ZDBF2: variants seen among roughly 807,000 people sequenced by gnomAD.
The protein encoded by ZDBF2 is zinc finger DBF-type containing 2.
In ZDBF2, 6 loss-of-function variants were observed where a neutral mutation model predicts 9.4. The observed-to-expected ratio is 0.64, with a 90% CI of 0.35 to 1.27. ZDBF2 has a LOEUF of 1.27. Ranked by LOEUF, ZDBF2 falls within the 50% of genes most tolerant of loss-of-function variation. The pLI is 0.03. For synonymous variants in ZDBF2, 905 were observed against 946.3 expected, an observed-to-expected ratio of 0.96 and a Z score of 0.80; for missense variants, 2,697 against 2,766.8, an observed-to-expected ratio of 0.97 and a Z score of 0.57.
Position 206,305,889 on chromosome 2 carries a change from G to T in ZDBF2, c.1361G>T (p.Cys454Phe), listed in dbSNP as rs530413642. ...KSYVSKISSD[C>F]DDILHLVTNQ... is the part of the protein sequence containing the mutation. The stretch of plus-strand genomic sequence containing the variant: ...TATGTTTCTAAAATAAGTTCTGATT[G>T]TGATGACATTCTTCACTTGGTTACC... The change falls in exon 5 of 5, where the codon TGT becomes TTT. Residue 454 changes from cysteine to phenylalanine, a missense_variant. Physicochemically the swap from Cys to Phe is radical, Grantham distance 205. Around this residue, in one of 3 missense-constraint regions of ZDBF2, gnomAD observed 910 missense variants for 973.6 expected, o/e 0.93. Coordinates refer to ENST00000374423, the MANE Select transcript of ZDBF2 (RefSeq NM_020923.3). 5.6e-6 allele frequency: 9 copies of T among 1,613,172 alleles called. No homozygotes were observed. Among genetic ancestry groups the T allele is most frequent in the Non-Finnish European group, 7.6e-6 (9 of 1,179,618 alleles).
In ZDBF2 at chr2:206,280,812, T is replaced by G. The variant is rs143857814; in HGVS notation, c.-49-989T>G. 2.7e-3 allele frequency among the ~76,000 whole-genome samples: 408 copies of G among 152,336 alleles called. 2 individuals are homozygous for G. Among genetic ancestry groups the G allele is most frequent in the African/African-American group, 9.5e-3 (395 of 41,582 alleles). Reference sequence around the variant, plus strand: ...CAGTTATTGATTTTAATGATTAAATTTTTTCCATTGCAGAAATTCTCATAA... The same window carrying G: ...CAGTTATTGATTTTAATGATTAAATGTTTTCCATTGCAGAAATTCTCATAA... On this transcript the variant is annotated intron_variant, in intron 2 of 4. Coordinates refer to ENST00000374423, the MANE Select transcript of ZDBF2 (RefSeq NM_020923.3).
chr2:206,277,892 C>G (rs1213581924), intron 1 of ZDBF2, among the ~76,000 whole-genome samples: 1 of 152,146 alleles, frequency 6.6e-6, no homozygotes, highest in Non-Finnish European at 1.5e-5. Context: ...AAGAAGTTAA[C>G]CCACCAACTA....
chr2:206,299,558 G>T (rs1383974174), intron 4 of ZDBF2, among the ~76,000 whole-genome samples: 1 of 152,044 alleles, frequency 6.6e-6, no homozygotes. Context: ...CGTAGTCCCA[G>T]CTACTCGGGA....
intron 3 of ZDBF2, among the ~76,000 whole-genome samples, chr2:206,290,207 C>T (rs1196086790): frequency 1.3e-5 from 2 of 152,160 alleles, no homozygotes; most frequent in Non-Finnish European, 2.9e-5. Context: ...TTTTATTTAT[C>T]TATATATCTT....
Position 206,307,480 on chromosome 2 carries a change from G to T in ZDBF2, c.2952G>T (p.Lys984Asn). 2 of 1,613,032 alleles carry T rather than the reference G, an allele frequency of 1.2e-6. No individual in the cohort carries two copies. The highest frequency in any genetic ancestry group is 1.7e-6 in the Non-Finnish European group (2 of 1,179,520). The change falls in exon 5 of 5, where the codon AAG becomes AAT. Residue 984 changes from lysine to asparagine, a missense_variant. Coordinates refer to ENST00000374423, the MANE Select transcript of ZDBF2 (RefSeq NM_020923.3). ...AAGAAACATGGCTTCAAAGAGAAAA[G>T]CACGCTGAATTCCAAGGTAGAAGTA... ...IVKETWLQRE[K>N]HAEFQGRSTE...
chr2:206,280,517 A>G (rs1273473543), intron 2 of ZDBF2, among the ~76,000 whole-genome samples: 1 of 152,218 alleles, frequency 6.6e-6, no homozygotes, highest in Non-Finnish European at 1.5e-5. Flanking sequence ...AGTACAATTT[A>G]AAATAAAAGT....
intron 4 of ZDBF2, among the ~76,000 whole-genome samples, chr2:206,300,496 C>T (rs767071741): frequency 1.1e-4 from 16 of 152,068 alleles, no homozygotes; most frequent in Non-Finnish European, 1.6e-4. Flanking sequence ...GCATTTTGGG[C>T]GTGAATATCT....
At chr2:206,294,186 A>G (rs898995875) in intron 3 of ZDBF2, among the ~76,000 whole-genome samples, 1 of 152,204 alleles carries the variant, frequency 6.6e-6, no homozygotes, top group Non-Finnish European at 1.5e-5. Flanking sequence ...TTTCAAAACT[A>G]TAGTATTAAA....
At chr2:206,297,019 A>G (rs758125288) in intron 3 of ZDBF2, among the ~76,000 whole-genome samples, 13 of 152,118 alleles carry the variant, frequency 8.5e-5, no homozygotes, top group Non-Finnish European at 1.8e-4. Flanking sequence ...TTTTGCATGA[A>G]TCATTTACCT....
intron 3 of ZDBF2, among the ~76,000 whole-genome samples, chr2:206,286,847 G>T (rs1397405812): frequency 6.6e-6 from 1 of 152,162 alleles, no homozygotes; most frequent in Non-Finnish European, 1.5e-5. Context: ...GCGAGGAATT[G>T]CTTCTGTTAT....
chr2:206,287,653 C>G (rs73052132), intron 3 of ZDBF2, among the ~76,000 whole-genome samples: 126 of 152,224 alleles, frequency 8.3e-4, no homozygotes, highest in African/African-American at 2.9e-3. Flanking sequence ...GTTTTCTATG[C>G]CTTTCTTCTT....
At chr2:206,279,941 A>T (rs1437476278) in intron 2 of ZDBF2, among the ~76,000 whole-genome samples, 2 of 152,278 alleles carry the variant, frequency 1.3e-5, no homozygotes, top group South Asian at 4.1e-4. Context: ...AGTAGCTGGG[A>T]CTATAGGCAT....
rs753891548 is a variant in ZDBF2 at position 206,306,634 on chromosome 2, C to T, written c.2106C>T (p.Ser702=). 7.4e-6 allele frequency: 12 copies of T among 1,613,598 alleles called. No individual in the cohort carries two copies. The East Asian group carries it at 1.3e-4, about 18-fold the overall frequency. ...VDLENKSVQS[S]RSSLSSDSPA... is the part of the protein sequence containing the mutation. ...TTGAGAATAAGAGTGTTCAGTCTAG[C>T]CGTTCTTCTCTGAGTTCTGATTCTC... Residue 702 remains serine (S), a synonymous_variant, in exon 5 of 5, where the codon AGC becomes AGT. Transcript: ENST00000374423.
At position 206,302,517 on chromosome 2, in the gene ZDBF2, C is replaced by T. The variant is rs189304353; in HGVS notation, c.189-2200C>T. On this transcript the variant is annotated intron_variant, in intron 4 of 4. Transcript: ENST00000374423. ...CAGCTGTATGATTTTATGATTATAC[C>T]TTCTTTTCTTTTTTCCCTTTTCTTT... is the stretch of plus-strand genomic sequence containing the variant. Among the ~76,000 whole-genome samples the T allele has an allele frequency of 7.9e-5, 12 of 152,164 alleles. No individual in the cohort carries two copies. In the East Asian group the frequency reaches 2.3e-3, roughly 29 times the overall value.
chr2:206,302,661 C>T (rs1692565930), intron 4 of ZDBF2, among the ~76,000 whole-genome samples: 2 of 152,102 alleles, frequency 1.3e-5, no homozygotes, highest in Non-Finnish European at 2.9e-5. Flanking sequence ...TGTTGCACTG[C>T]AGTGTCATTG....
chr2:206,295,651 G>C (rs1255759541), intron 3 of ZDBF2, among the ~76,000 whole-genome samples: 1 of 152,080 alleles, frequency 6.6e-6, no homozygotes, highest in East Asian at 1.9e-4. Flanking sequence ...TGGGATTACA[G>C]GCCTGAGCCA....
rs7599495 is a variant in ZDBF2, at chr2:206,299,874, G to A, written c.188+2501G>A. On this transcript the variant is annotated intron_variant, in intron 4 of 4. Coordinates refer to ENST00000374423, the MANE Select transcript of ZDBF2 (RefSeq NM_020923.3). The stretch of plus-strand genomic sequence containing the variant: ...TGTAATCCTACCACTTTGGGAGGCC[G>A]AGGCGGGCGGATCACCTGAGGTCGG... Among the ~76,000 whole-genome samples the A allele has an allele frequency of 3.0e-3, 458 of 151,796 alleles. 1 individual carries two copies. The highest frequency in any genetic ancestry group is 0.011 in the African/African-American group (444 of 41,432).
At chr2:206,300,453 C>T (rs1248069577) in intron 4 of ZDBF2, among the ~76,000 whole-genome samples, 6 of 152,112 alleles carry the variant, frequency 3.9e-5, no homozygotes, top group Non-Finnish European at 5.9e-5. Context: ...TTTGTGTCTG[C>T]CTGATATTTT....
intron 3 of ZDBF2, among the ~76,000 whole-genome samples, chr2:206,294,955 C>G (rs1451349597): frequency 6.6e-6 from 1 of 152,160 alleles, no homozygotes; most frequent in Non-Finnish European, 1.5e-5. Flanking sequence ...ACCAGGCAGT[C>G]TAACTCTGGT....
Sources: allele counts gnomAD v4.1 joint callset (sites outside exome capture counted in the v4.1 genomes callset), GRCh38; gene constraint gnomAD v4.1.1; regional missense constraint gnomAD v4.1.1; transcripts MANE v1.5; gene names NCBI Gene and HGNC (gene_info 2026-07-23, HGNC 2026-07-21).